Variants in GRM5 observed in about 807,000 individuals in gnomAD.
GRM5 encodes glutamate metabotropic receptor 5.
In GRM5, 19 loss-of-function variants were observed where a neutral mutation model predicts 83.1. The ratio of observed to expected loss-of-function variants is 0.23; its 90% CI spans 0.16 to 0.34. The LOEUF is 0.34. GRM5 is among the 10% of genes least tolerant of loss of function. The pLI is 1.00. For missense variants in GRM5, 1,160 were observed against 1,588.3 expected, an observed-to-expected ratio of 0.73 and a Z score of 4.58; for synonymous variants, 675 against 633.6, an observed-to-expected ratio of 1.07 and a Z score of -0.98.
At chr11:88,875,311 A>G (rs1186069142) in intron 2 of GRM5, among the ~76,000 whole-genome samples, 1 of 152,002 alleles carries the variant, frequency 6.6e-6, no homozygotes, top group Non-Finnish European at 1.5e-5. Flanking sequence ...CTTATCTATT[A>G]GAAGCAACTT....
chr11:88,705,597 C>A (rs2135378244), intron 3 of GRM5, among the ~76,000 whole-genome samples: 1 of 72,988 alleles, frequency 1.4e-5, no homozygotes, highest in Non-Finnish European at 2.7e-5. Context: ...CTGAGTAGAG[C>A]AGGGTTTTTT....
chr11:88,856,093 T>C (rs1944471172), intron 2 of GRM5, among the ~76,000 whole-genome samples: 1 of 152,092 alleles, frequency 6.6e-6, no homozygotes, highest in Non-Finnish European at 1.5e-5. Flanking sequence ...CCATCTTAGT[T>C]GGTCCAAATT....
intron 8 of GRM5, among the ~76,000 whole-genome samples, chr11:88,526,630 T>C (rs1408758634): frequency 6.6e-6 from 1 of 152,214 alleles, no homozygotes; most frequent in East Asian, 1.9e-4. Context: ...ACACTCTTTT[T>C]AGTTTATTTT....
intron 2 of GRM5, among the ~76,000 whole-genome samples, chr11:88,983,728 G>T (rs992858137): frequency 2.6e-5 from 4 of 151,844 alleles, no homozygotes; most frequent in Non-Finnish European, 4.4e-5. Context: ...TGTGAAAAAA[G>T]TTACCTGTAA....
chr11:88,715,224 G>GTAAT (rs147871264), intron 3 of GRM5, among the ~76,000 whole-genome samples: 61 of 152,044 alleles, frequency 4.0e-4, no homozygotes, highest in African/African-American at 1.4e-3. Context: ...GTGAAAAAGA[G>GTAAT]TAATTGAATT....
chr11:88,894,158 C>T (rs1449607626), intron 2 of GRM5, among the ~76,000 whole-genome samples: 1 of 151,900 alleles, frequency 6.6e-6, no homozygotes, highest in Non-Finnish European at 1.5e-5. Context: ...CTGGACAGCC[C>T]ATTTGCATAA....
chr11:88,652,709 T>C (rs1410691706), intron 4 of GRM5, among the ~76,000 whole-genome samples: 2 of 152,072 alleles, frequency 1.3e-5, no homozygotes, highest in Admixed American at 1.3e-4. Flanking sequence ...TACTATTTTA[T>C]GGTTTATTGA....
intron 3 of GRM5, among the ~76,000 whole-genome samples, chr11:88,674,047 C>T (rs1940260375): frequency 6.6e-6 from 1 of 151,834 alleles, no homozygotes; most frequent in Non-Finnish European, 1.5e-5. Context: ...ATCAACACAT[C>T]TCATTTGTAT....
chr11:88,880,426 C>T (rs1171145162), intron 2 of GRM5, among the ~76,000 whole-genome samples: 4 of 152,100 alleles, frequency 2.6e-5, no homozygotes, highest in African/African-American at 9.7e-5. Flanking sequence ...ATGTATTAGT[C>T]AGCTCTTTTG....
At chr11:88,580,163 C>T (rs541032469) in intron 7 of GRM5, among the ~76,000 whole-genome samples, 1 of 152,200 alleles carries the variant, frequency 6.6e-6, no homozygotes, top group East Asian at 1.9e-4. Flanking sequence ...AAGGTAAAGA[C>T]CTGGATTTCA....
intron 2 of GRM5, among the ~76,000 whole-genome samples, chr11:88,919,238 C>CAA (rs1945645848): frequency 3.1e-5 from 1 of 32,390 alleles, no homozygotes; most frequent in African/African-American, 5.3e-5. Flanking sequence ...GCAGGAGTAG[C>CAA]TATATATATA....
At chr11:89,029,415 G>A (rs1264202877) in intron 2 of GRM5, among the ~76,000 whole-genome samples, 5 of 152,098 alleles carry the variant, frequency 3.3e-5, no homozygotes, top group Non-Finnish European at 7.4e-5. Context: ...TTAGTGAGAA[G>A]GTTGATAGAA....
At chr11:88,618,569 G>T (rs1938546441) in intron 4 of GRM5, among the ~76,000 whole-genome samples, 1 of 151,046 alleles carries the variant, frequency 6.6e-6, no homozygotes, top group Admixed American at 6.6e-5. Flanking sequence ...GCTGGATGCT[G>T]CTGACAGAAA....
At chr11:89,057,655 A>AT (rs1941906401) in intron 1 of GRM5, among the ~76,000 whole-genome samples, 1 of 152,184 alleles carries the variant, frequency 6.6e-6, no homozygotes, top group South Asian at 2.1e-4. Context: ...TCTCAGTTTA[A>AT]TTATAAAGCA....
intron 3 of GRM5, among the ~76,000 whole-genome samples, chr11:88,753,864 C>T (rs2135430398): frequency 6.6e-6 from 1 of 152,228 alleles, no homozygotes; most frequent in Non-Finnish European, 1.5e-5. Context: ...GCACGTCTCA[C>T]ATTGCAGCAG....
intron 6 of GRM5, among the ~76,000 whole-genome samples, chr11:88,594,453 C>T (rs1044244995): frequency 8.5e-5 from 13 of 152,066 alleles, no homozygotes; most frequent in African/African-American, 3.1e-4. Flanking sequence ...GGAAAGTAGC[C>T]ATGGAGACTA....
intron 4 of GRM5, among the ~76,000 whole-genome samples, chr11:88,650,796 TG>T (rs1429151610): frequency 6.6e-6 from 1 of 152,068 alleles, no homozygotes; most frequent in Non-Finnish European, 1.5e-5. Context: ...TTTAGCATGT[TG>T]GCTAAACTCT....
chr11:89,059,604 G>A (rs1480063659), intron 1 of GRM5, among the ~76,000 whole-genome samples: 1 of 151,994 alleles, frequency 6.6e-6, no homozygotes, highest in Non-Finnish European at 1.5e-5. Flanking sequence ...TTAGTATTAT[G>A]TTTTATCATT....
intron 9 of GRM5, 89 bp from the exon 10 acceptor site, chr11:88,509,593 C>A: frequency 1.1e-6 from 1 of 878,876 alleles, no homozygotes; most frequent in East Asian, 2.7e-5. Flanking sequence ...CTCATGGGCC[C>A]CGGACTGGGG....
Sources: allele counts gnomAD v4.1 joint callset (sites outside exome capture counted in the v4.1 genomes callset), GRCh38; gene constraint gnomAD v4.1.1; transcripts MANE v1.5; gene names NCBI Gene and HGNC (gene_info 2026-07-23, HGNC 2026-07-21).